Variants in SOX6 observed in about 807,000 individuals in gnomAD.
The protein encoded by SOX6 is transcription factor SOX-6.
Under a neutral mutation model 97.8 loss-of-function variants are expected in SOX6, and 11 were observed. That is an observed-to-expected ratio of 0.11 (90% CI 0.07 to 0.19). SOX6 has a LOEUF of 0.19. Ranked by LOEUF, SOX6 falls within the 10% of genes least tolerant of loss-of-function variation. The pLI is 1.00. For missense variants in SOX6, 810 were observed against 1,039.5 expected, an observed-to-expected ratio of 0.78 and a Z score of 3.04; for synonymous variants, 360 against 371.4, an observed-to-expected ratio of 0.97 and a Z score of 0.35.
At chr11:16,518,339 A>G (rs989285082) in intron 4 of SOX6, among the ~76,000 whole-genome samples, 2 of 152,152 alleles carry the variant, frequency 1.3e-5, no homozygotes, top group African/African-American at 4.8e-5. Flanking sequence ...ACAAAATGCT[A>G]CTTCCTCCAC....
At chr11:16,665,292 C>G (rs1181890188) in intron 3 of SOX6, among the ~76,000 whole-genome samples, 3 of 152,042 alleles carry the variant, frequency 2.0e-5, no homozygotes, top group South Asian at 2.1e-4. Context: ...TGGACCTGCT[C>G]AGGGCCAAAG....
intron 4 of SOX6, among the ~76,000 whole-genome samples, chr11:16,505,997 C>T (rs1309112652): frequency 5.3e-5 from 8 of 152,216 alleles, no homozygotes; most frequent in Admixed American, 5.2e-4. Flanking sequence ...AGAACCTCTA[C>T]TAGGGCAGCA....
chr11:16,132,450 AAGAAAGAAAG>A (rs1157311897), intron 6 of SOX6, among the ~76,000 whole-genome samples: 2 of 116,882 alleles, frequency 1.7e-5, no homozygotes, highest in African/African-American at 6.8e-5. Flanking sequence ...AGAAAAAAGA[AAGAAAGAAAG>A]AAAGAAAGAA....
At chr11:16,464,387 T>C (rs1002630960) in intron 1 of SOX6, among the ~76,000 whole-genome samples, 1 of 151,598 alleles carries the variant, frequency 6.6e-6, no homozygotes, top group African/African-American at 2.4e-5. Context: ...AAGATACATG[T>C]CTTGGGTACT....
intron 1 of SOX6, among the ~76,000 whole-genome samples, chr11:16,438,672 C>T (rs1859436690): frequency 1.3e-5 from 2 of 150,702 alleles, no homozygotes; most frequent in South Asian, 4.2e-4. Context: ...CTATCTCTGT[C>T]GTTTGGTGAT....
intron 3 of SOX6, among the ~76,000 whole-genome samples, chr11:16,285,068 G>C (rs945400187): frequency 4.6e-5 from 7 of 152,044 alleles, no homozygotes; most frequent in African/African-American, 1.4e-4. Flanking sequence ...TGGAAGGGCA[G>C]TATAGTCAAG....
chr11:16,322,175 A>T (rs150993922), intron 2 of SOX6, among the ~76,000 whole-genome samples: 89 of 152,282 alleles, frequency 5.8e-4, no homozygotes, highest in African/African-American at 2.1e-3. Context: ...TATGGCTTAG[A>T]TTTGTGTCCC....
chr11:16,211,811 A>C (rs1333134486), intron 4 of SOX6, among the ~76,000 whole-genome samples: 1 of 152,194 alleles, frequency 6.6e-6, no homozygotes, highest in Non-Finnish European at 1.5e-5. Context: ...CTCCCAGAGC[A>C]CAGAGCAAGT....
intron 3 of SOX6, among the ~76,000 whole-genome samples, chr11:16,627,311 T>C (rs938768878): frequency 2.6e-5 from 4 of 152,244 alleles, no homozygotes; most frequent in African/African-American, 9.6e-5. Flanking sequence ...TTTGGTAGAA[T>C]AACTTGTTTT....
At chr11:16,232,042 T>G (rs1453036575) in intron 4 of SOX6, among the ~76,000 whole-genome samples, 3 of 151,852 alleles carry the variant, frequency 2.0e-5, no homozygotes, top group Admixed American at 2.0e-4. Context: ...ATATGAATTT[T>G]ATAATCAGAA....
intron 3 of SOX6, among the ~76,000 whole-genome samples, chr11:16,704,196 T>C (rs1848114831): frequency 6.6e-6 from 1 of 152,210 alleles, no homozygotes. Context: ...TAAAATGATC[T>C]TCATTTCATT....
At chr11:16,652,371 G>T (rs1847666213) in intron 3 of SOX6, among the ~76,000 whole-genome samples, 2 of 152,054 alleles carry the variant, frequency 1.3e-5, no homozygotes, top group Admixed American at 6.6e-5. Flanking sequence ...ATACTACAAG[G>T]CTACAGTTAC....
intron 2 of SOX6, among the ~76,000 whole-genome samples, chr11:16,323,615 T>C (rs1468303006): frequency 6.6e-6 from 1 of 152,144 alleles, no homozygotes; most frequent in East Asian, 1.9e-4. Context: ...CATTTCATCC[T>C]TGAAGCACCC....
At chr11:16,527,353 T>G (rs1861182423) in intron 4 of SOX6, among the ~76,000 whole-genome samples, 1 of 152,122 alleles carries the variant, frequency 6.6e-6, no homozygotes, top group East Asian at 1.9e-4. Flanking sequence ...GAACAGTATT[T>G]AATTGCTACC....
intron 3 of SOX6, among the ~76,000 whole-genome samples, chr11:16,705,878 AATAGAACATAT>A (rs1419276416): frequency 6.7e-6 from 1 of 150,358 alleles, no homozygotes; most frequent in East Asian, 1.9e-4. Context: ...AAAACAGTAC[AATAGAACATAT>A]CTAATTAACA....
chr11:16,631,388 C>T (rs925434671), intron 3 of SOX6, among the ~76,000 whole-genome samples: 4 of 152,136 alleles, frequency 2.6e-5, no homozygotes, highest in African/African-American at 9.7e-5. Flanking sequence ...GAATTTCTTT[C>T]CTTTAAGAAT....
At chr11:16,608,136 T>C (rs1848357226) in intron 4 of SOX6, among the ~76,000 whole-genome samples, 1 of 150,478 alleles carries the variant, frequency 6.6e-6, no homozygotes. Flanking sequence ...CCAAAAGAGC[T>C]CTATTGGGGC....
In SOX6 at chr11:16,345,291, T is replaced by C. The variant is rs560628589; in HGVS notation, c.-4-4039A>G. Among the ~76,000 whole-genome samples, 229 of 152,102 alleles carry C rather than the reference T, an allele frequency of 1.5e-3. 3 individuals carry two copies. The highest frequency in any genetic ancestry group is 6.8e-3 in the Middle Eastern group (2 of 294). On this transcript the variant is annotated intron_variant, in intron 1 of 15. Coordinates refer to ENST00000683767, the MANE Select transcript of SOX6 (RefSeq NM_001367873.1). ...ATGGTTTTCTGGGGCATAACTATTA[T>C]CAAGTAAAACCTTCAAAGAGAATTA...
chr11:16,161,201 T>C (rs532122422), intron 6 of SOX6, among the ~76,000 whole-genome samples: 3 of 152,214 alleles, frequency 2.0e-5, no homozygotes, highest in African/African-American at 7.2e-5. Flanking sequence ...CAGTTGGTTC[T>C]TATGAGCCAG....
Sources: allele counts gnomAD v4.1 joint callset (sites outside exome capture counted in the v4.1 genomes callset), GRCh38; gene constraint gnomAD v4.1.1; transcripts MANE v1.5; gene names NCBI Gene and HGNC (gene_info 2026-07-23, HGNC 2026-07-21).